Variants in CDK5RAP2 observed in about 807,000 individuals in gnomAD.
The protein encoded by CDK5RAP2 is CDK5 regulatory subunit associated protein 2.
Under a neutral mutation model 232.9 loss-of-function variants are expected in CDK5RAP2, and 147 were observed. The ratio of observed to expected loss-of-function variants is 0.63; its 90% confidence interval spans 0.55 to 0.72. CDK5RAP2 has a LOEUF of 0.72. CDK5RAP2 is among the 30% of genes least tolerant of loss of function. The pLI is 0.00. For missense variants in CDK5RAP2, 2,195 were observed against 2,231.5 expected (o/e 0.98, Z 0.33); for synonymous variants, 833 against 833.7 (o/e 1.00, Z 0.01).
intron 11 of CDK5RAP2, among the ~76,000 whole-genome samples, chr9:120,519,761 G>A (rs1323563393): frequency 6.6e-6 from 1 of 152,076 alleles, no homozygotes; most frequent in Non-Finnish European, 1.5e-5. Context: ...CATAGCTATG[G>A]CACATGTATT....
intron 25 of CDK5RAP2, among the ~76,000 whole-genome samples, chr9:120,424,985 C>G (rs2034803458): frequency 6.6e-6 from 1 of 152,198 alleles, no homozygotes; most frequent in Non-Finnish European, 1.5e-5. Flanking sequence ...GCGTGAGCCA[C>G]TGCACCTGGC....
At chr9:120,480,104 T>C (rs531304841) in intron 14 of CDK5RAP2, among the ~76,000 whole-genome samples, 7 of 152,208 alleles carry the variant, frequency 4.6e-5, no homozygotes, top group Non-Finnish European at 7.3e-5. Flanking sequence ...ATACAGAATA[T>C]CCAGCATGAT....
At position 120,566,831 on chromosome 9, in the gene CDK5RAP2, T is replaced by C. The variant is rs538899206; in HGVS notation, c.195+1490A>G. On this transcript the variant is annotated intron_variant, in intron 3 of 37. Coordinates refer to ENST00000349780, the MANE Select transcript of CDK5RAP2 (RefSeq NM_018249.6). Reference sequence around the variant, plus strand: ...GTCACATCACATCCCTGGGCCTCAGTTTCTCCTATATATAATAAAGAGGGT... The same window carrying C: ...GTCACATCACATCCCTGGGCCTCAGCTTCTCCTATATATAATAAAGAGGGT... Among the ~76,000 whole-genome samples, 19 of 152,342 alleles carry C rather than the reference T, an allele frequency of 1.2e-4. 1 individual carries two copies. The South Asian group carries it at 3.3e-3, about 27-fold the overall frequency.
At chr9:120,494,156 TCACA>T (rs144979336) in intron 12 of CDK5RAP2, among the ~76,000 whole-genome samples, 1 of 149,104 alleles carries the variant, frequency 6.7e-6, no homozygotes, top group African/African-American at 2.5e-5. Context: ...GAATTCATGA[TCACA>T]CACACACACA....
chr9:120,551,913 G>C (rs1025525939), intron 3 of CDK5RAP2, among the ~76,000 whole-genome samples: 3 of 152,120 alleles, frequency 2.0e-5, no homozygotes, highest in African/African-American at 7.2e-5. Flanking sequence ...GCAACCTACA[G>C]AATGGAAGAA....
intron 35 of CDK5RAP2, 120 bp downstream of exon 35, chr9:120,400,618 TCCTC>T: frequency 8.5e-7 from 1 of 1,174,222 alleles, no homozygotes; most frequent in Non-Finnish European, 1.2e-6. Context: ...CGGTGCCATC[TCCTC>T]CCTAATACAT....
intron 12 of CDK5RAP2, among the ~76,000 whole-genome samples, chr9:120,516,721 C>T (rs533312313): frequency 3.2e-4 from 48 of 152,146 alleles, no homozygotes; most frequent in African/African-American, 8.9e-4. Context: ...CCCAGCTACA[C>T]AGGAGGGTGA....
chr9:120,528,910 GA>G, intron 8 of CDK5RAP2, 113 bp from the exon 9 acceptor site: 2 of 770,630 alleles, frequency 2.6e-6, no homozygotes, highest in Middle Eastern at 2.3e-4. Context: ...CACTACTGTG[GA>G]ACTCGTTAAA....
intron 3 of CDK5RAP2, among the ~76,000 whole-genome samples, chr9:120,562,621 A>C (rs2042503854): frequency 6.6e-6 from 1 of 151,612 alleles, no homozygotes; most frequent in Non-Finnish European, 1.5e-5. Flanking sequence ...GTTCACCCTC[A>C]TTCTCCCACT....
chr9:120,500,735 C>G (rs745377319), intron 12 of CDK5RAP2, among the ~76,000 whole-genome samples: 65 of 152,202 alleles, frequency 4.3e-4, no homozygotes, highest in Admixed American at 8.5e-4. Context: ...ATTACAAAAT[C>G]TACCAGGGCA....
intron 36 of CDK5RAP2, among the ~76,000 whole-genome samples, chr9:120,390,727 G>A (rs1032136156): frequency 6.6e-6 from 1 of 152,164 alleles, no homozygotes; most frequent in Non-Finnish European, 1.5e-5. Flanking sequence ...TTCTGGAGCC[G>A]CGCCTTTAGC....
chr9:120,431,979 T>C (rs918085462), intron 25 of CDK5RAP2, among the ~76,000 whole-genome samples: 1 of 152,188 alleles, frequency 6.6e-6, no homozygotes, highest in Non-Finnish European at 1.5e-5. Flanking sequence ...AGATCCCTAG[T>C]GGAATCCCTA....
chr9:120,443,228 C>G (rs1588348326), intron 23 of CDK5RAP2, among the ~76,000 whole-genome samples: 2 of 152,266 alleles, frequency 1.3e-5, no homozygotes, highest in Admixed American at 1.3e-4. Flanking sequence ...CGGACCAACA[C>G]CAAGCACACC....
intron 7 of CDK5RAP2, among the ~76,000 whole-genome samples, chr9:120,535,577 AGC>A (rs2041350373): frequency 1.3e-5 from 2 of 152,272 alleles, no homozygotes; most frequent in African/African-American, 4.8e-5. Flanking sequence ...CAGGTTAGCC[AGC>A]AGTTGGACTT....
chr9:120,552,950 T>G (rs927593254), intron 3 of CDK5RAP2, among the ~76,000 whole-genome samples: 1 of 152,050 alleles, frequency 6.6e-6, no homozygotes, highest in African/African-American at 2.4e-5. Flanking sequence ...AACTGGTGAA[T>G]CTAGATGAAT....
intron 5 of CDK5RAP2, among the ~76,000 whole-genome samples, chr9:120,544,906 G>A (rs1461606715): frequency 6.6e-6 from 1 of 152,076 alleles, no homozygotes; most frequent in African/African-American, 2.4e-5. Context: ...CAGATCTTCG[G>A]GCAGATGTTA....
intron 34 of CDK5RAP2, among the ~76,000 whole-genome samples, chr9:120,401,995 A>T (rs764275765): frequency 5.3e-5 from 8 of 151,964 alleles, no homozygotes; most frequent in African/African-American, 1.9e-4. Flanking sequence ...AAAAAAAAAA[A>T]TTTTATATAT....
chr9:120,580,041 T>G lies in CDK5RAP2; in HGVS notation c.-63A>C. ...GCGGCGCCACTAGTACCCCCCGCGA[T>G]AGCGACCCGCCGGGCTCCCCAGGTC... On this transcript the variant is annotated 5_prime_UTR_variant, in exon 1 of 38. Transcript: ENST00000349780. 1.8e-6 allele frequency: 2 copies of G among 1,099,758 alleles called. No homozygotes were observed. Among genetic ancestry groups the G allele is most frequent in the South Asian group, 1.3e-5 (1 of 77,274 alleles). The allele number at this position is 1,099,758 out of a possible 1,614,324, so 68.1% of individuals were successfully genotyped here.
intron 12 of CDK5RAP2, among the ~76,000 whole-genome samples, chr9:120,500,432 A>G (rs932960291): frequency 6.6e-6 from 1 of 152,218 alleles, no homozygotes; most frequent in Admixed American, 6.5e-5. Flanking sequence ...GCAATCACCA[A>G]GTGGGAGTTT....
Sources: gnomAD v4.1 joint callset for allele counts (sites outside exome capture counted in the v4.1 genomes callset) on GRCh38, gnomAD v4.1.1 for gene constraint, MANE v1.5 for transcripts, NCBI Gene and HGNC (gene_info 2026-07-23, HGNC 2026-07-21) for gene names.